The following CCDC171 variants were observed in gnomAD, a reference collection of about 807,000 sequenced individuals.
The protein encoded by CCDC171 is coiled-coil domain-containing protein 171.
In CCDC171, 177 loss-of-function variants were observed where a neutral mutation model predicts 168.2. The ratio of observed to expected loss-of-function variants is 1.05; its 90% CI spans 0.93 to 1.19. The LOEUF is 1.19. Ranked by LOEUF, CCDC171 falls within the 50% of genes most tolerant of loss-of-function variation. CCDC171 has a pLI of 0.00. For missense variants in CCDC171, 1,991 were observed against 1,539.0 expected (o/e 1.29, Z -4.91); for synonymous variants, 687 against 540.8 (o/e 1.27, Z -3.75).
At chr9:15,834,083 TAATA>T (rs2060342846) in intron 21 of CCDC171, among the ~76,000 whole-genome samples, 2 of 152,182 alleles carry the variant, frequency 1.3e-5, no homozygotes, top group African/African-American at 2.4e-5. Context: ...AATTTTAAAT[TAATA>T]AATAGTACAT....
chr9:15,860,924 C>T (rs1239547903), intron 23 of CCDC171, among the ~76,000 whole-genome samples: 1 of 74,272 alleles, frequency 1.3e-5, no homozygotes, highest in Non-Finnish European at 2.7e-5. Context: ...TTTAGGTGCT[C>T]TGTTGTTAGG....
intron 11 of CCDC171, among the ~76,000 whole-genome samples, chr9:15,709,618 C>G (rs578181060): frequency 6.6e-6 from 1 of 152,092 alleles, no homozygotes; most frequent in South Asian, 2.1e-4. Context: ...CACTGCTTTA[C>G]AGGGAAAAAT....
intron 11 of CCDC171, among the ~76,000 whole-genome samples, chr9:15,713,615 G>A (rs2052849946): frequency 6.6e-6 from 1 of 152,032 alleles, no homozygotes; most frequent in African/African-American, 2.4e-5. Flanking sequence ...AGGACCAGTA[G>A]CAAGTCCAAA....
intron 3 of CCDC171, among the ~76,000 whole-genome samples, chr9:15,995,738 A>C (rs1328911985): frequency 6.6e-6 from 1 of 152,204 alleles, no homozygotes; most frequent in African/African-American, 2.4e-5. Context: ...AAATCTTTAA[A>C]AACTTAACAC....
At chr9:15,702,754 A>G (rs546590257) in intron 11 of CCDC171, among the ~76,000 whole-genome samples, 14 of 152,302 alleles carry the variant, frequency 9.2e-5, no homozygotes, top group Non-Finnish European at 1.8e-4. Context: ...CTACATCAGC[A>G]TTTGCTGTTT....
intron 24 of CCDC171, among the ~76,000 whole-genome samples, chr9:15,916,790 G>C (rs886787539): frequency 1.3e-5 from 2 of 151,928 alleles, no homozygotes; most frequent in African/African-American, 4.8e-5. Context: ...TCTTATTACT[G>C]TCAATTATAA....
At chr9:15,629,272 G>A (rs1233218988) in intron 7 of CCDC171, among the ~76,000 whole-genome samples, 1 of 152,048 alleles carries the variant, frequency 6.6e-6, no homozygotes, top group Non-Finnish European at 1.5e-5. Flanking sequence ...CAAAGAAGTT[G>A]AAAACTTTGA....
rs559039174 is a variant in CCDC171 at position 16,007,376 on chromosome 9, G to C, written n.369-13213G>C. On this transcript the variant is annotated intron_variant and non_coding_transcript_variant, in intron 3 of 9. Transcript: ENST00000486641. ...GGTTGCAAAAGTTTTCTCCCATTCTGTAGGTTGCCTGTTCACTCTGATGGT... is the reference window on the plus strand; with the variant it reads ...GGTTGCAAAAGTTTTCTCCCATTCTCTAGGTTGCCTGTTCACTCTGATGGT... Among the ~76,000 whole-genome samples the C allele has an allele frequency of 1.6e-3, 242 of 152,264 alleles. 1 individual carries two copies. The highest frequency in any genetic ancestry group is 2.7e-3 in the Non-Finnish European group (183 of 68,016).
chr9:15,905,807 T>A lies in CCDC171; in HGVS notation c.3601-14463T>A, dbSNP rs544350815. 8.8e-4 allele frequency among the ~76,000 whole-genome samples: 133 copies of A among 150,748 alleles called. 1 individual carries two copies. Among genetic ancestry groups the A allele is most frequent in the African/African-American group, 2.6e-3 (105 of 40,946 alleles). ...TAATAAAGAAGAAAAGAGAGAAGAA[T>A]CAAACAGACACAATAAAAAATGATA... is the stretch of plus-strand genomic sequence containing the variant. On this transcript the variant is annotated intron_variant, in intron 24 of 25. Transcript: ENST00000380701.
rs140456115 is a variant in CCDC171, at chr9:15,659,357, G to A, written c.915+2138G>A. On this transcript the variant is annotated intron_variant, in intron 8 of 25. Coordinates refer to ENST00000380701, the MANE Select transcript of CCDC171 (RefSeq NM_173550.4). ...ATTTTATAGACAGTTATGACTTTTC[G>A]CTTAAATGTTTTCTCAGCATTTGAT... Among the ~76,000 whole-genome samples, 343 of 152,136 alleles carry A rather than the reference G, an allele frequency of 2.3e-3. 4 individuals carry two copies. The highest frequency in any genetic ancestry group is 0.02 in the South Asian group (95 of 4,816).
intron 4 of CCDC171, among the ~76,000 whole-genome samples, chr9:15,585,275 A>G (rs2041467066): frequency 6.6e-6 from 1 of 152,232 alleles, no homozygotes; most frequent in East Asian, 1.9e-4. Flanking sequence ...CTTTTGTCCA[A>G]AAAAGACTTG....
intron 11 of CCDC171, among the ~76,000 whole-genome samples, chr9:15,698,225 G>A (rs2051370958): frequency 6.6e-6 from 1 of 152,032 alleles, no homozygotes; most frequent in South Asian, 2.1e-4. Flanking sequence ...TCTCATGTGT[G>A]AGTAAGAACA....
At chr9:15,809,590 G>A (rs567712157) in intron 21 of CCDC171, among the ~76,000 whole-genome samples, 55 of 152,256 alleles carry the variant, frequency 3.6e-4, no homozygotes, top group Admixed American at 5.2e-4. Context: ...GTGTGTTACA[G>A]CTCTTAAGGC....
At chr9:15,779,928 T>G (rs1290144926) in intron 20 of CCDC171, among the ~76,000 whole-genome samples, 1 of 152,214 alleles carries the variant, frequency 6.6e-6, no homozygotes, top group African/African-American at 2.4e-5. Context: ...TTGCTGTTTT[T>G]AATGTGGATA....
At chr9:16,053,251 G>C (rs1362569520) in intron 1 of CCDC171, among the ~76,000 whole-genome samples, 1 of 152,266 alleles carries the variant, frequency 6.6e-6, no homozygotes, top group Non-Finnish European at 1.5e-5. Context: ...TCAACCATCA[G>C]CTTGAGCGTG....
At chr9:15,618,680 GC>G (rs1263565763) in intron 6 of CCDC171, among the ~76,000 whole-genome samples, 1 of 152,130 alleles carries the variant, frequency 6.6e-6, no homozygotes, top group Non-Finnish European at 1.5e-5. Context: ...TCTGCGGATT[GC>G]AAAAATCCAT....
At chr9:15,569,501 C>T (rs1295493112) in intron 2 of CCDC171, among the ~76,000 whole-genome samples, 1 of 152,072 alleles carries the variant, frequency 6.6e-6, no homozygotes, top group Non-Finnish European at 1.5e-5. Context: ...ACTTCTTGGA[C>T]AGTCTTCTAA....
intron 6 of CCDC171, among the ~76,000 whole-genome samples, chr9:15,623,025 A>G (rs1314341820): frequency 1.3e-5 from 2 of 152,238 alleles, no homozygotes; most frequent in Admixed American, 6.5e-5. Flanking sequence ...CTCATATGCT[A>G]TAACATTTTC....
At chr9:15,594,369 TG>T (rs1244161507) in intron 6 of CCDC171, among the ~76,000 whole-genome samples, 197 bp downstream of exon 6, 2 of 152,162 alleles carry the variant, frequency 1.3e-5, no homozygotes, top group African/African-American at 4.8e-5. Flanking sequence ...TAGAGTTCAG[TG>T]ATTTCCATTG....
Sources: allele counts gnomAD v4.1 joint callset (sites outside exome capture counted in the v4.1 genomes callset), GRCh38; gene constraint gnomAD v4.1.1; transcripts MANE v1.5; gene names NCBI Gene and HGNC (gene_info 2026-07-23, HGNC 2026-07-21).